MXRA7: variants seen among roughly 807,000 people sequenced by gnomAD.
MXRA7 encodes matrix-remodeling-associated protein 7.
Under a neutral mutation model 17.4 loss-of-function variants are expected in MXRA7, and 18 were observed. That is an observed-to-expected ratio of 1.03 (90% CI 0.71 to 1.53). The LOEUF (loss-of-function observed/expected upper bound fraction) is 1.53. MXRA7 is among the 40% of genes most tolerant of loss of function. The pLI is 0.00. For synonymous variants in MXRA7, 70 were observed against 101.7 expected (o/e 0.69, Z 1.87); for missense variants, 141 against 209.3 (o/e 0.67, Z 2.01).
At chr17:76,678,127 A>C (rs2076256448), downstream of MXRA7, among the ~76,000 whole-genome samples, 1 of 152,182 alleles carries the variant, frequency 6.6e-6, no homozygotes, top group South Asian at 2.1e-4. Flanking sequence ...GAATGAGCCG[A>C]AAGTGGAGAA....
downstream of MXRA7, chr17:76,679,515 G>A (rs941095995): frequency 5.0e-6 from 4 of 806,426 alleles, no homozygotes; most frequent in Non-Finnish European, 6.0e-6. Flanking sequence ...AACTTCAATG[G>A]GTTCAAAAGG....
chr17:76,697,580 A>T (rs2076545288), intron 1 of MXRA7, among the ~76,000 whole-genome samples: 1 of 152,210 alleles, frequency 6.6e-6, no homozygotes, highest in Non-Finnish European at 1.5e-5. Flanking sequence ...TCAGCATTTT[A>T]TGACTGAATA....
intron 1 of MXRA7, among the ~76,000 whole-genome samples, chr17:76,704,293 C>T (rs1470118388): frequency 6.9e-6 from 1 of 145,958 alleles, no homozygotes; most frequent in Non-Finnish European, 1.5e-5. Context: ...GCAAGCTCCA[C>T]CTCCCGGGTT....
intron 1 of MXRA7, among the ~76,000 whole-genome samples, chr17:76,702,771 G>A (rs1297873652): frequency 6.6e-6 from 1 of 151,022 alleles, no homozygotes; most frequent in Admixed American, 6.6e-5. Context: ...AGAATCGCTG[G>A]AACCTGGGAG....
chr17:76,700,671 G>C lies in MXRA7; in HGVS notation c.342+9934C>G, dbSNP rs537745254. Reference sequence around the variant, plus strand: ...TACTGCGTGCGGGCCTGTTGCAGGAGCTGGGATGTGGCGGGCAAGGGCCCT... The same window carrying C: ...TACTGCGTGCGGGCCTGTTGCAGGACCTGGGATGTGGCGGGCAAGGGCCCT... On this transcript the variant is annotated intron_variant, in intron 1 of 3. Transcript: ENST00000449428. Among the ~76,000 whole-genome samples the C allele has an allele frequency of 2.6e-5, 4 of 152,376 alleles. No individual in the cohort carries two copies. In the South Asian group the frequency reaches 8.3e-4, roughly 32 times the overall value.
intron 1 of MXRA7, among the ~76,000 whole-genome samples, chr17:76,696,104 AAAAG>A (rs984153532): frequency 7.2e-5 from 11 of 152,144 alleles, no homozygotes; most frequent in East Asian, 1.9e-4. Context: ...CAAAAAGAAA[AAAAG>A]AAAGAAAGAA....
intron 1 of MXRA7, among the ~76,000 whole-genome samples, chr17:76,706,050 AAGGACCACACTGCCATCACAG>A (rs1216796388): frequency 7.0e-6 from 1 of 143,372 alleles, no homozygotes; most frequent in East Asian, 2.1e-4. Context: ...TGCTATCACA[AAGGACCACACTGCCATCACAG>A]AGGACCACAC....
intron 1 of MXRA7, among the ~76,000 whole-genome samples, chr17:76,706,317 A>ACAAAGGCCCACGCTGCCG: frequency 1.9e-5 from 1 of 51,288 alleles, no homozygotes; most frequent in South Asian, 6.5e-4. Context: ...CCACGCTGCC[A>ACAAAGGCCCACGCTGCCG]TCACAAAGGA....
chr17:76,704,154 T>C (rs113656186), intron 1 of MXRA7, among the ~76,000 whole-genome samples: 18,241 of 148,416 alleles, frequency 0.12, 1,509 homozygotes, highest in African/African-American at 0.23. Context: ...CAGCAGGGAA[T>C]AGAATGACTA....
At chr17:76,688,205 T>C in intron 1 of MXRA7, 29 bp from the exon 2 acceptor site, 1 of 1,613,720 alleles carries the variant, frequency 6.2e-7, no homozygotes, top group Non-Finnish European at 8.5e-7. Context: ...GTCAGTGCCC[T>C]TGGCACAGAC....
At chr17:76,690,079 G>A (rs190112919) in intron 1 of MXRA7, 2 of 151,708 alleles carry the variant, frequency 1.3e-5, no homozygotes, top group Non-Finnish European at 2.9e-5. Context: ...AAGATAAATC[G>A]AGGGAAAAAT....
At chr17:76,677,537 A>G, downstream of MXRA7, 1 of 1,290,210 alleles carries the variant, frequency 7.8e-7, no homozygotes, top group Non-Finnish European at 1.1e-6. Context: ...GGCATGGGGC[A>G]AGGGTGGGGA....
At chr17:76,683,826 C>G (rs2076346701) in intron 3 of MXRA7, 1 of 1,601,290 alleles carries the variant, frequency 6.2e-7, no homozygotes, top group Non-Finnish European at 8.6e-7. Flanking sequence ...CACCACTAGT[C>G]TAAGAAATCA....
intron 1 of MXRA7, among the ~76,000 whole-genome samples, chr17:76,700,626 G>T (rs372752756): frequency 6.6e-6 from 1 of 152,224 alleles, no homozygotes; most frequent in Non-Finnish European, 1.5e-5. Context: ...GCATTGTGGC[G>T]TATTTATTCA....
intron 1 of MXRA7, among the ~76,000 whole-genome samples, chr17:76,709,157 G>A (rs2076692800): frequency 6.6e-6 from 1 of 152,166 alleles, no homozygotes; most frequent in South Asian, 2.1e-4. Context: ...TCAGTCCAGA[G>A]CCTGGTGTGG....
At chr17:76,686,082 C>G (rs1033363801) in intron 2 of MXRA7, among the ~76,000 whole-genome samples, 11 of 152,224 alleles carry the variant, frequency 7.2e-5, no homozygotes, top group Non-Finnish European at 1.6e-4. Flanking sequence ...CCCCTCCCCT[C>G]TAGCTTGCAG....
chr17:76,699,055 C>T (rs895586733), intron 1 of MXRA7, among the ~76,000 whole-genome samples: 4 of 151,860 alleles, frequency 2.6e-5, no homozygotes, highest in African/African-American at 9.7e-5. Context: ...CTAGAGTCTC[C>T]CCTTCACTCC....
intron 1 of MXRA7, among the ~76,000 whole-genome samples, chr17:76,693,570 G>A (rs1426395608): frequency 1.3e-5 from 2 of 151,930 alleles, no homozygotes; most frequent in African/African-American, 2.4e-5. Context: ...CTGGGGCCAG[G>A]TGAGGTGGCT....
downstream of MXRA7, chr17:76,677,583 G>T: frequency 6.3e-7 from 1 of 1,598,670 alleles, no homozygotes; most frequent in Non-Finnish European, 8.5e-7. Flanking sequence ...TCCCGTGGGC[G>T]CAGTCTACAT....
Sources: gnomAD v4.1 joint callset for allele counts (sites outside exome capture counted in the v4.1 genomes callset) on GRCh38, gnomAD v4.1.1 for gene constraint, MANE v1.5 for transcripts, NCBI Gene and HGNC (gene_info 2026-07-23, HGNC 2026-07-21) for gene names.